Variants in BTBD9 observed in about 807,000 individuals in gnomAD.
BTBD9 encodes BTB domain containing 9.
A neutral mutation model predicts 64.3 loss-of-function variants in BTBD9; 49 were observed. The observed-to-expected ratio is 0.76, with a 90% CI of 0.61 to 0.97. The LOEUF (loss-of-function observed/expected upper bound fraction) is 0.97, where lower values mean the gene tolerates loss of function less well. Ranked by LOEUF, BTBD9 falls within the 50% of genes least tolerant of loss-of-function variation. The pLI, the probability that BTBD9 is intolerant of heterozygous loss-of-function variation, is 0.00. For missense variants in BTBD9, 598 were observed against 762.1 expected (o/e 0.78, Z 2.53); for synonymous variants, 260 against 274.7 (o/e 0.95, Z 0.53).
chr6:38,354,821 G>C (rs1396391858), intron 6 of BTBD9, among the ~76,000 whole-genome samples: 1 of 151,602 alleles, frequency 6.6e-6, no homozygotes, highest in African/African-American at 2.4e-5. Context: ...AATAGTCAAA[G>C]TAAATAAAAA....
chr6:38,183,073 G>A (rs1196580116), intron 10 of BTBD9, among the ~76,000 whole-genome samples: 5 of 151,486 alleles, frequency 3.3e-5, no homozygotes, highest in Non-Finnish European at 7.4e-5. Flanking sequence ...TCCGCCTCCC[G>A]GGTTCATGCC....
At chr6:38,490,626 T>A (rs551944853) in intron 6 of BTBD9, among the ~76,000 whole-genome samples, 13 of 152,184 alleles carry the variant, frequency 8.5e-5, no homozygotes, top group Non-Finnish European at 1.9e-4. Flanking sequence ...GGCCGACACA[T>A]CCAGTTCTAA....
At chr6:38,614,529 G>C (rs1246269655) in intron 1 of BTBD9, among the ~76,000 whole-genome samples, 1 of 152,010 alleles carries the variant, frequency 6.6e-6, no homozygotes, top group Non-Finnish European at 1.5e-5. Flanking sequence ...CTTTACATTT[G>C]CACTTACTTT....
chr6:38,464,117 T>TCA (rs1283069424), intron 6 of BTBD9, among the ~76,000 whole-genome samples: 1 of 152,150 alleles, frequency 6.6e-6, no homozygotes, highest in African/African-American at 2.4e-5. Flanking sequence ...TATGACACAG[T>TCA]CACACACAGA....
At chr6:38,353,326 T>C (rs891455799) in intron 6 of BTBD9, among the ~76,000 whole-genome samples, 6 of 151,978 alleles carry the variant, frequency 3.9e-5, no homozygotes, top group Non-Finnish European at 2.9e-5. Context: ...TTTTTTCAGA[T>C]TGTAATTTTC....
At chr6:38,510,418 G>A (rs115325742) in intron 6 of BTBD9, among the ~76,000 whole-genome samples, 102 of 152,300 alleles carry the variant, frequency 6.7e-4, no homozygotes, top group African/African-American at 2.3e-3. Context: ...GTGAGTCAGC[G>A]AGTGAGTGGT....
chr6:38,280,551 T>C (rs1473577863), intron 8 of BTBD9, among the ~76,000 whole-genome samples: 1 of 152,248 alleles, frequency 6.6e-6, no homozygotes, highest in East Asian at 1.9e-4. Context: ...GTTTGCTGTA[T>C]TCTTCAGGCT....
intron 7 of BTBD9, among the ~76,000 whole-genome samples, chr6:38,326,010 GA>G (rs1582233325): frequency 1.3e-5 from 2 of 151,926 alleles, no homozygotes; most frequent in African/African-American, 2.4e-5. Context: ...TGCTCTGAAA[GA>G]AAAAAACTCC....
chr6:38,533,115 A>T lies in BTBD9; in HGVS notation c.1154+44485T>A, dbSNP rs76838076. On this transcript the variant is annotated intron_variant, in intron 6 of 10. Coordinates refer to ENST00000481247, the MANE Select transcript of BTBD9 (RefSeq NM_001099272.2). ...CAAAGAATGGTTGAATGGATTAAAAAATAATAATAATAATAAAAAAAACAA... is the reference window on the plus strand; with the variant it reads ...CAAAGAATGGTTGAATGGATTAAAATATAATAATAATAATAAAAAAAACAA... 1.9e-3 allele frequency among the ~76,000 whole-genome samples: 296 copies of T among 152,092 alleles called. 6 individuals carry two copies. In the East Asian group the frequency reaches 0.037, roughly 19 times the overall value.
chr6:38,541,088 T>G (rs1389854540), intron 6 of BTBD9, among the ~76,000 whole-genome samples: 1 of 152,152 alleles, frequency 6.6e-6, no homozygotes. Flanking sequence ...GAATAGAAAC[T>G]TAAAGACAAT....
intron 2 of BTBD9, among the ~76,000 whole-genome samples, chr6:38,596,791 A>G (rs1777050408): frequency 6.9e-6 from 1 of 144,128 alleles, no homozygotes; most frequent in Admixed American, 7.1e-5. Context: ...ACAGAGTGAG[A>G]CTCCGTCTCA....
intron 9 of BTBD9, among the ~76,000 whole-genome samples, chr6:38,205,842 C>G (rs112774919): frequency 1.5e-5 from 2 of 130,600 alleles, no homozygotes; most frequent in African/African-American, 5.8e-5. Flanking sequence ...CAACACTGTG[C>G]CACTGCACTC....
intron 6 of BTBD9, among the ~76,000 whole-genome samples, chr6:38,572,351 G>A (rs1283461894): frequency 3.3e-5 from 5 of 152,076 alleles, no homozygotes; most frequent in East Asian, 1.9e-4. Context: ...AGCTGGTGAA[G>A]CATGCCTAAA....
intron 6 of BTBD9, among the ~76,000 whole-genome samples, chr6:38,436,269 C>T (rs887267481): frequency 1.3e-5 from 2 of 151,838 alleles, no homozygotes; most frequent in African/African-American, 4.9e-5. Flanking sequence ...CCAAATCTCC[C>T]ACGCTACTTT....
At chr6:38,283,004 A>G (rs4711531) in intron 8 of BTBD9, among the ~76,000 whole-genome samples, 21,934 of 152,240 alleles carry the variant, frequency 0.14, 3,844 homozygotes, top group East Asian at 0.4. Flanking sequence ...AGTGCCTACA[A>G]TAGTGCCTAG....
chr6:38,532,576 C>T (rs1773846325), intron 6 of BTBD9, among the ~76,000 whole-genome samples: 1 of 152,060 alleles, frequency 6.6e-6, no homozygotes, highest in African/African-American at 2.4e-5. Flanking sequence ...CTTTGTCTTA[C>T]ATCTTGGATA....
chr6:38,405,140 G>A (rs1331781166), intron 6 of BTBD9, among the ~76,000 whole-genome samples: 1 of 152,214 alleles, frequency 6.6e-6, no homozygotes, highest in East Asian at 1.9e-4. Context: ...TTCTAGGAAT[G>A]TACCATGATC....
chr6:38,598,533 C>T (rs1280499411), intron 1 of BTBD9, among the ~76,000 whole-genome samples: 1 of 152,150 alleles, frequency 6.6e-6, no homozygotes, highest in East Asian at 1.9e-4. Context: ...AGGCACCGAT[C>T]TAGGCCTAAA....
chr6:38,328,959 A>G (rs1763561596), intron 7 of BTBD9, among the ~76,000 whole-genome samples: 1 of 129,216 alleles, frequency 7.7e-6, no homozygotes, highest in East Asian at 2.4e-4. Context: ...AAAAAAAAAG[A>G]AAGAAAATAT....
Sources: gnomAD v4.1 joint callset for allele counts (sites outside exome capture counted in the v4.1 genomes callset) on GRCh38, gnomAD v4.1.1 for gene constraint, MANE v1.5 for transcripts, NCBI Gene and HGNC (gene_info 2026-07-23, HGNC 2026-07-21) for gene names.